Variants in MKNK1 observed in about 807,000 individuals in gnomAD.
MKNK1 encodes MAPK interacting serine/threonine kinase 1, also known as MAP kinase-interacting serine/threonine-protein kinase 1.
A neutral mutation model predicts 49.3 loss-of-function variants in MKNK1; 30 were observed. The ratio of observed to expected loss-of-function variants is 0.61; its 90% CI spans 0.46 to 0.83. MKNK1 has a LOEUF of 0.83. Among genes scored for constraint, MKNK1 ranks in the 40% least tolerant of loss-of-function variants. MKNK1 has a pLI of 0.00. For synonymous variants in MKNK1, 176 were observed against 201.7 expected, an observed-to-expected ratio of 0.87 and a Z score of 1.08; for missense variants, 423 against 524.7, an observed-to-expected ratio of 0.81 and a Z score of 1.89.
At chr1:46,570,830 A>C (rs1669992473) in intron 7 of MKNK1, among the ~76,000 whole-genome samples, 1 of 152,268 alleles carries the variant, frequency 6.6e-6, no homozygotes, top group African/African-American at 2.4e-5. Context: ...TGCTCCATCT[A>C]TGCTGCACAT....
At chr1:46,599,981 T>C (rs777627680) in intron 1 of MKNK1, among the ~76,000 whole-genome samples, 2 of 151,806 alleles carry the variant, frequency 1.3e-5, no homozygotes, top group Non-Finnish European at 2.9e-5. Flanking sequence ...CACCAACTCC[T>C]CTCCCCTCCC....
intron 2 of MKNK1, among the ~76,000 whole-genome samples, chr1:46,590,320 T>C (rs956527): frequency 0.39 from 59,404 of 152,070 alleles, 13,257 homozygotes; most frequent in Non-Finnish European, 0.52. Flanking sequence ...ATCTTTGAAG[T>C]AGTAGCCGGA....
At chr1:46,559,035 C>T (rs976557024) in intron 12 of MKNK1, among the ~76,000 whole-genome samples, 1 of 152,168 alleles carries the variant, frequency 6.6e-6, no homozygotes, top group Admixed American at 6.5e-5. Context: ...GGGGCAAGCT[C>T]CCCCTTCTCC....
intron 2 of MKNK1, among the ~76,000 whole-genome samples, chr1:46,593,344 G>A (rs1476918002): frequency 1.3e-5 from 2 of 152,110 alleles, no homozygotes; most frequent in African/African-American, 2.4e-5. Flanking sequence ...CACTACAGGC[G>A]TGTACCACCA....
chr1:46,596,450 T>C (rs1455327788), intron 1 of MKNK1, among the ~76,000 whole-genome samples: 4 of 152,222 alleles, frequency 2.6e-5, no homozygotes, highest in Non-Finnish European at 4.4e-5. Flanking sequence ...TGCCAACCCT[T>C]GGCCTACAGT....
chr1:46,582,932 A>C, intron 3 of MKNK1: 1 of 563,628 alleles, frequency 1.8e-6, no homozygotes, highest in Admixed American at 2.2e-5. Flanking sequence ...ATCTGAAAAA[A>C]GGAAGACCCC....
intron 1 of MKNK1, among the ~76,000 whole-genome samples, chr1:46,603,558 G>A (rs1257422078): frequency 2.6e-5 from 4 of 152,168 alleles, no homozygotes; most frequent in Non-Finnish European, 5.9e-5. Context: ...GGGAGGGGAA[G>A]CAGACTTGCC....
Position 46,558,461 on chromosome 1 carries a change from T to C in MKNK1, c.*114A>G. ...CAGGGCCTTCGTAGATGAAAAAGCCTGAATGGAGCCACAGAGCAGAGGCTG... is the reference window on the plus strand; with the variant it reads ...CAGGGCCTTCGTAGATGAAAAAGCCCGAATGGAGCCACAGAGCAGAGGCTG... On this transcript the variant is annotated 3_prime_UTR_variant, in exon 13 of 13. Coordinates refer to ENST00000371945, the MANE Select transcript of MKNK1 (RefSeq NM_001135553.4). 9.1e-7 allele frequency: 1 copy of C among 1,103,420 alleles called. No homozygotes were observed. Among genetic ancestry groups the C allele is most frequent in the Admixed American group, 3.1e-5 (1 of 32,296 alleles). 68.4% of individuals were successfully genotyped at this position (1,103,420 alleles called of 1,614,324 possible).
At chr1:46,583,897 C>T (rs11211313) in intron 2 of MKNK1, among the ~76,000 whole-genome samples, 6,332 of 152,254 alleles carry the variant, frequency 0.042, 170 homozygotes, top group African/African-American at 0.08. Flanking sequence ...TCCAAGAGCA[C>T]GGACTTGAGT....
intron 1 of MKNK1, among the ~76,000 whole-genome samples, chr1:46,601,617 C>A (rs1196392914): frequency 6.6e-6 from 1 of 152,220 alleles, no homozygotes; most frequent in African/African-American, 2.4e-5. Context: ...GTGCAGAATT[C>A]TTGTACTTTC....
At chr1:46,594,476 A>G (rs1483707022) in intron 1 of MKNK1, among the ~76,000 whole-genome samples, 196 bp from the exon 2 acceptor site, 1 of 152,280 alleles carries the variant, frequency 6.6e-6, no homozygotes, top group Non-Finnish European at 1.5e-5. Context: ...GAGTCTTGTT[A>G]TGTTGCCCAG....
chr1:46,582,215 A>G (rs1671852834), intron 3 of MKNK1, among the ~76,000 whole-genome samples: 1 of 152,104 alleles, frequency 6.6e-6, no homozygotes, highest in Non-Finnish European at 1.5e-5. Context: ...ACACACAGAC[A>G]CACACCCCTG....
intron 3 of MKNK1, among the ~76,000 whole-genome samples, chr1:46,582,434 C>T (rs1430383592): frequency 6.6e-6 from 1 of 152,222 alleles, no homozygotes; most frequent in Non-Finnish European, 1.5e-5. Flanking sequence ...ATATTCCCAA[C>T]CGATAAAGTG....
intron 1 of MKNK1, among the ~76,000 whole-genome samples, chr1:46,600,692 A>AC (rs1191754773): frequency 6.6e-6 from 1 of 152,194 alleles, no homozygotes; most frequent in African/African-American, 2.4e-5. Context: ...TGCCATTAAA[A>AC]CCACACTAAA....
chr1:46,569,911 C>G (rs564091715), intron 7 of MKNK1: 1 of 152,358 alleles, frequency 6.6e-6, no homozygotes, highest in Non-Finnish European at 1.5e-5. Flanking sequence ...ACTCAGAGAG[C>G]CAGGCTGTAA....
rs750556132 is a variant in MKNK1 at position 46,568,505 on chromosome 1, TGACA to T, written c.458-11_458-8del. 85 of 1,613,544 alleles carry T rather than the reference TGACA, an allele frequency of 5.3e-5. No homozygotes were observed. The African/African-American group carries it at 1.1e-3, about 20-fold the overall frequency. ...AGATCACGATGAGCAATGCCTGACA[TGACA>T]AAGAGCAAAAAAATGGTTAACATAT... On this transcript the variant is annotated splice_region_variant and splice_polypyrimidine_tract_variant and intron_variant, in intron 7 of 12. Transcript: ENST00000371945.
chr1:46,571,511 C>G (rs1393136647), intron 7 of MKNK1: 2 of 432,026 alleles, frequency 4.6e-6, no homozygotes, highest in South Asian at 1.6e-5. Flanking sequence ...CCATAGCACT[C>G]CAGCCTAGGT....
chr1:46,578,427 T>G (rs1671280693), intron 4 of MKNK1, among the ~76,000 whole-genome samples: 1 of 152,108 alleles, frequency 6.6e-6, no homozygotes, highest in African/African-American at 2.4e-5. Flanking sequence ...CAGAGTCCAG[T>G]GTTTGCCTCA....
At chr1:46,591,949 T>C (rs1005765396) in intron 2 of MKNK1, among the ~76,000 whole-genome samples, 3 of 152,150 alleles carry the variant, frequency 2.0e-5, no homozygotes, top group African/African-American at 7.2e-5. Flanking sequence ...GAAAATGGCA[T>C]TAAAAAAAAG....
Sources: gnomAD v4.1 joint callset for allele counts (sites outside exome capture counted in the v4.1 genomes callset) on GRCh38, gnomAD v4.1.1 for gene constraint, MANE v1.5 for transcripts, NCBI Gene and HGNC (gene_info 2026-07-23, HGNC 2026-07-21) for gene names.